PRKCE: variants seen among roughly 807,000 people sequenced by gnomAD.
The protein encoded by PRKCE is protein kinase C epsilon, also known as protein kinase C epsilon type.
Under a neutral mutation model 85.4 loss-of-function variants are expected in PRKCE, and 16 were observed. That is an observed-to-expected ratio of 0.19 (90% CI 0.13 to 0.28). The LOEUF (loss-of-function observed/expected upper bound fraction) is 0.28, where lower values mean the gene tolerates loss of function less well. PRKCE is among the 10% of genes least tolerant of loss of function. The pLI is 1.00. For synonymous variants in PRKCE, 388 were observed against 371.5 expected (o/e 1.04, Z -0.51); for missense variants, 573 against 975.2 (o/e 0.59, Z 5.49).
intron 1 of PRKCE, among the ~76,000 whole-genome samples, chr2:45,671,147 G>T (rs1301916488): frequency 1.3e-5 from 2 of 152,190 alleles, no homozygotes; most frequent in Non-Finnish European, 2.9e-5. Flanking sequence ...TACCCCTCAG[G>T]AGACTGCACA....
chr2:45,949,734 A>G (rs1331721584), intron 2 of PRKCE, among the ~76,000 whole-genome samples: 1 of 152,064 alleles, frequency 6.6e-6, no homozygotes, highest in Non-Finnish European at 1.5e-5. Flanking sequence ...CCATGGACCT[A>G]GGATCATATT....
chr2:45,715,369 G>T (rs374759415), intron 1 of PRKCE, among the ~76,000 whole-genome samples: 1 of 152,230 alleles, frequency 6.6e-6, no homozygotes, highest in Non-Finnish European at 1.5e-5. Context: ...ACCCCTGATA[G>T]GTGCTAGTGA....
Position 46,001,501 on chromosome 2 carries a change from C to T in PRKCE, c.921C>T (p.Gly307=), listed in dbSNP as rs1323668266. 6.9e-6 allele frequency: 11 copies of T among 1,599,184 alleles called. No individual in the cohort carries two copies. Among genetic ancestry groups the T allele is most frequent in the African/African-American group, 2.7e-5 (2 of 74,842 alleles). The stretch of plus-strand genomic sequence containing the variant: ...TCGCCAAAGTACTGGCCGACCTGGG[C>T]GTTACCCCAGACAAAATCACCAACA... The part of the protein sequence containing the change: ...RGIAKVLADL[G]VTPDKITNSG... Residue 307 remains glycine, a synonymous_variant, in exon 7 of 15, where the codon GGC becomes GGT. Transcript: ENST00000306156. This position sits in a 1 kb window ranked among gnomAD's most constrained non-coding sequence, Gnocchi z 4.4.
chr2:45,878,214 C>T (rs371959850), intron 2 of PRKCE, among the ~76,000 whole-genome samples: 11 of 152,318 alleles, frequency 7.2e-5, no homozygotes, highest in African/African-American at 2.6e-4. Flanking sequence ...ACCTTGTTTC[C>T]TTGTAGACTT....
intron 2 of PRKCE, among the ~76,000 whole-genome samples, chr2:45,946,166 A>T (rs1700229487): frequency 6.6e-6 from 1 of 152,220 alleles, no homozygotes; most frequent in South Asian, 2.1e-4. Context: ...AATGAGGAGG[A>T]GCCCTGCATC....
At chr2:46,005,730 G>T (rs532908950) in intron 8 of PRKCE, among the ~76,000 whole-genome samples, 2 of 152,062 alleles carry the variant, frequency 1.3e-5, no homozygotes, top group African/African-American at 4.8e-5. Flanking sequence ...CCAGCCCTGA[G>T]GCCACAGAAT....
Position 46,187,189 on chromosome 2 carries a change from A to G in PRKCE, c.*2308A>G, listed in dbSNP as rs1448689445. 6.5e-6 allele frequency: 1 copy of G among 152,686 alleles called. No individual in the cohort carries two copies. The highest frequency in any genetic ancestry group is 1.5e-5 in the Non-Finnish European group (1 of 68,052). The allele number at this position is 152,686 out of a possible 1,614,324, so 9.5% of individuals were successfully genotyped here. A position where few individuals can be genotyped will look rare whatever the true frequency, so the allele number is the denominator to read the frequency against. On this transcript the variant is annotated 3_prime_UTR_variant, in exon 15 of 15. Coordinates refer to ENST00000306156, the MANE Select transcript of PRKCE (RefSeq NM_005400.3). Reference sequence around the variant, plus strand: ...AAGCAAGCTCTAACCGCAATGCCAGATGGCCTTGTCCGAGGGCCTAGTGTT... The same window carrying G: ...AAGCAAGCTCTAACCGCAATGCCAGGTGGCCTTGTCCGAGGGCCTAGTGTT...
intron 1 of PRKCE, among the ~76,000 whole-genome samples, chr2:45,711,465 T>C (rs559868245): frequency 6.6e-6 from 1 of 152,328 alleles, no homozygotes; most frequent in Non-Finnish European, 1.5e-5. Context: ...ATGGGGATAA[T>C]GAAAGTCCTT....
At chr2:45,902,990 T>G (rs1696685239) in intron 2 of PRKCE, among the ~76,000 whole-genome samples, 1 of 152,236 alleles carries the variant, frequency 6.6e-6, no homozygotes, top group Non-Finnish European at 1.5e-5. Flanking sequence ...CTTATTTGAT[T>G]GTGGAATTAT....
intron 11 of PRKCE, among the ~76,000 whole-genome samples, chr2:46,140,590 G>A (rs1675418623): frequency 6.6e-6 from 1 of 152,174 alleles, no homozygotes; most frequent in African/African-American, 2.4e-5. Context: ...GAAACCCTGG[G>A]AGAATACTTT....
intron 7 of PRKCE, among the ~76,000 whole-genome samples, chr2:46,003,747 C>T (rs1348344963): frequency 6.6e-6 from 1 of 152,162 alleles, no homozygotes; most frequent in Non-Finnish European, 1.5e-5. Context: ...GTGAGCTTTG[C>T]TTAGAAAGGT....
At chr2:45,693,013 C>T (rs1677861246) in intron 1 of PRKCE, among the ~76,000 whole-genome samples, 1 of 152,100 alleles carries the variant, frequency 6.6e-6, no homozygotes, top group Non-Finnish European at 1.5e-5. Context: ...AGACTTGAGG[C>T]TGACTGAGAG....
At chr2:45,867,286 C>T (rs985867701) in intron 2 of PRKCE, among the ~76,000 whole-genome samples, 1 of 152,162 alleles carries the variant, frequency 6.6e-6, no homozygotes, top group Non-Finnish European at 1.5e-5. Flanking sequence ...AATAGGGTCG[C>T]CAGGATTAGC....
At chr2:46,069,206 G>A (rs1373977874) in intron 10 of PRKCE, among the ~76,000 whole-genome samples, 4 of 152,144 alleles carry the variant, frequency 2.6e-5, no homozygotes, top group Non-Finnish European at 4.4e-5. Context: ...TTTCTTTTAC[G>A]TGGTAGCCTC....
chr2:46,004,776 G>A lies in PRKCE; in HGVS notation c.1063+138G>A. 4.3e-6 allele frequency: 3 copies of A among 695,904 alleles called. No homozygotes were observed. The highest frequency in any genetic ancestry group is 7.3e-6 in the Non-Finnish European group (3 of 411,882). 43.1% of individuals were successfully genotyped at this position (695,904 alleles called of 1,614,324 possible). On this transcript the variant is annotated intron_variant, in intron 8 of 14. Coordinates refer to ENST00000306156, the MANE Select transcript of PRKCE (RefSeq NM_005400.3). The surrounding 1 kb of genome is among the most constrained non-coding windows in gnomAD (Gnocchi z 4.1). ...CCTGGTGGGTTTTCACACACCCGTT[G>A]CCTGTTGATTTAACAGTTCTTTCAT...
chr2:46,049,643 A>G (rs548474997), intron 10 of PRKCE, among the ~76,000 whole-genome samples: 6 of 152,220 alleles, frequency 3.9e-5, no homozygotes, highest in African/African-American at 1.4e-4. Context: ...CTGTGGGAAA[A>G]TATTCTCACT....
intron 1 of PRKCE, among the ~76,000 whole-genome samples, chr2:45,787,324 A>G (rs73926091): frequency 4.5e-4 from 68 of 152,224 alleles, no homozygotes; most frequent in African/African-American, 1.5e-3. Context: ...AGTAGGATAA[A>G]ATGTGATGAG....
intron 10 of PRKCE, among the ~76,000 whole-genome samples, chr2:46,054,318 C>G: frequency 6.6e-6 from 1 of 152,210 alleles, no homozygotes. Context: ...CCTCTTCCCA[C>G]TTGCATTTGA....
chr2:45,965,283 T>C (rs771827007), intron 2 of PRKCE, among the ~76,000 whole-genome samples: 10 of 152,262 alleles, frequency 6.6e-5, no homozygotes, highest in Non-Finnish European at 1.3e-4. Context: ...TAAAACTCAC[T>C]GTCATGAAGT....
Sources: allele counts gnomAD v4.1 joint callset (sites outside exome capture counted in the v4.1 genomes callset), GRCh38; gene constraint gnomAD v4.1.1; non-coding constraint Gnocchi (gnomAD v3.1); transcripts MANE v1.5; gene names NCBI Gene and HGNC (gene_info 2026-07-23, HGNC 2026-07-21).